The following CREB5 variants were observed in gnomAD, a reference collection of about 807,000 sequenced individuals.
CREB5 encodes the protein cAMP responsive element binding protein 5.
In CREB5, 19 loss-of-function variants were observed where a neutral mutation model predicts 57.1. That is an observed-to-expected ratio of 0.33 (90% CI 0.23 to 0.49). The LOEUF is 0.49. CREB5 is among the 20% of genes least tolerant of loss of function. CREB5 has a pLI of 0.99. For synonymous variants in CREB5, 238 were observed against 238.3 expected, an observed-to-expected ratio of 1.00 and a Z score of 0.01; for missense variants, 579 against 671.6, an observed-to-expected ratio of 0.86 and a Z score of 1.52.
chr7:28,695,092 T>C (rs1801476099), intron 5 of CREB5, among the ~76,000 whole-genome samples: 1 of 152,118 alleles, frequency 6.6e-6, no homozygotes, highest in South Asian at 2.1e-4. Context: ...CCGGGCATGG[T>C]ATCATGCACC....
chr7:28,386,482 G>A (rs1184918826), intron 1 of CREB5, among the ~76,000 whole-genome samples: 1 of 152,120 alleles, frequency 6.6e-6, no homozygotes, highest in African/African-American at 2.4e-5. Flanking sequence ...GTGTTTTGCA[G>A]CTTCGTTGAT....
intron 1 of CREB5, among the ~76,000 whole-genome samples, chr7:28,381,417 G>T (rs1811248): frequency 0.56 from 85,403 of 152,034 alleles, 26,716 homozygotes; most frequent in East Asian, 0.88. Context: ...TTAAGAAACA[G>T]ATCAGATTAT....
chr7:28,325,358 G>A (rs1184148614), intron 1 of CREB5, among the ~76,000 whole-genome samples: 1 of 152,056 alleles, frequency 6.6e-6, no homozygotes, highest in Admixed American at 6.5e-5. Context: ...GGGAGGCTGA[G>A]GCAGGAGAAT....
chr7:28,361,127 T>A (rs1786469042), intron 1 of CREB5, among the ~76,000 whole-genome samples: 1 of 152,086 alleles, frequency 6.6e-6, no homozygotes, highest in African/African-American at 2.4e-5. Context: ...AAAAAAAAAC[T>A]TACTGTAGGA....
intron 1 of CREB5, among the ~76,000 whole-genome samples, chr7:28,445,597 G>A (rs1449783171): frequency 6.6e-6 from 1 of 151,872 alleles, no homozygotes; most frequent in Admixed American, 6.6e-5. Flanking sequence ...TGTTGCCCAG[G>A]CTGGAGTGCA....
At chr7:28,513,333 C>A (rs936973646) in intron 4 of CREB5, 6 of 152,226 alleles carry the variant, frequency 3.9e-5, no homozygotes, top group African/African-American at 1.2e-4. Flanking sequence ...TCCCTCCCCC[C>A]AGAAGTATGG....
At chr7:28,761,625 G>A (rs1345539624) in intron 7 of CREB5, among the ~76,000 whole-genome samples, 1 of 152,036 alleles carries the variant, frequency 6.6e-6, no homozygotes, top group Non-Finnish European at 1.5e-5. Context: ...ATACTGTATG[G>A]GGCTTTTTTG....
intron 4 of CREB5, among the ~76,000 whole-genome samples, chr7:28,515,871 A>T (rs960402107): frequency 9.4e-5 from 3 of 31,876 alleles, no homozygotes; most frequent in Non-Finnish European, 2.0e-4. Flanking sequence ...GAATGCATTT[A>T]AAAAAAAACA....
intron 5 of CREB5, among the ~76,000 whole-genome samples, chr7:28,660,395 T>TC (rs966462352): frequency 6.6e-6 from 1 of 151,152 alleles, no homozygotes; most frequent in African/African-American, 2.4e-5. Context: ...TTTTTTTTTT[T>TC]TTTTTTGAGC....
intron 5 of CREB5, among the ~76,000 whole-genome samples, chr7:28,704,687 G>A (rs985799011): frequency 6.6e-6 from 1 of 151,966 alleles, no homozygotes; most frequent in Non-Finnish European, 1.5e-5. Context: ...AAACACCTGG[G>A]ATCAAGAGAT....
intron 3 of CREB5, among the ~76,000 whole-genome samples, chr7:28,504,502 G>A (rs1030017835): frequency 1.3e-5 from 2 of 152,202 alleles, no homozygotes; most frequent in African/African-American, 4.8e-5. Context: ...CAAGACGATT[G>A]TTTCAGGCCT....
rs760932080 is a variant in CREB5, at chr7:28,735,117, G to GT, written c.702+10792dup. On this transcript the variant is annotated intron_variant, in intron 7 of 10. Transcript: ENST00000357727. ...ACACTTAATCGTTTTGGTTTTTTTT[G>GT]TTTTTTTGTGTGTGGATTTTTTGTT... Among the ~76,000 whole-genome samples the GT allele has an allele frequency of 2.0e-5, 3 of 151,228 alleles. 1 individual carries two copies. The highest frequency in any genetic ancestry group is 4.2e-4 in the South Asian group (2 of 4,810).
At position 28,748,372 on chromosome 7, in the gene CREB5, T is replaced by C. The variant is rs189286808; in HGVS notation, c.702+24040T>C. Among the ~76,000 whole-genome samples, 88 of 152,258 alleles carry C rather than the reference T, an allele frequency of 5.8e-4. 1 individual carries two copies. The highest frequency in any genetic ancestry group is 2.1e-3 in the African/African-American group (87 of 41,540). On this transcript the variant is annotated intron_variant, in intron 7 of 10. Coordinates refer to ENST00000357727, the MANE Select transcript of CREB5 (RefSeq NM_182898.4). The stretch of plus-strand genomic sequence containing the variant: ...TCCCAGTTATCACTCTAGCTGTCAC[T>C]ATGAGGAAGAACAATGTGTGGGCAA...
At chr7:28,325,691 A>G (rs2127985306) in intron 1 of CREB5, among the ~76,000 whole-genome samples, 1 of 152,170 alleles carries the variant, frequency 6.6e-6, no homozygotes, top group East Asian at 1.9e-4. Context: ...AGGGACCCTT[A>G]CTCTAGGTTC....
At chr7:28,586,681 T>G (rs1371895113) in intron 5 of CREB5, among the ~76,000 whole-genome samples, 2 of 152,208 alleles carry the variant, frequency 1.3e-5, no homozygotes, top group Non-Finnish European at 2.9e-5. Context: ...ATTCCAGACC[T>G]CGAAATCATT....
At chr7:28,619,257 C>G (rs758327792) in intron 5 of CREB5, among the ~76,000 whole-genome samples, 4 of 152,160 alleles carry the variant, frequency 2.6e-5, no homozygotes, top group Admixed American at 1.3e-4. Flanking sequence ...ACTCAGCCAT[C>G]GTGGCTCCAA....
chr7:28,418,940 G>A (rs768094781), intron 1 of CREB5, among the ~76,000 whole-genome samples: 5 of 152,082 alleles, frequency 3.3e-5, no homozygotes, highest in Admixed American at 6.6e-5. Flanking sequence ...ACATTCTTTC[G>A]GGTGCTTTCC....
At chr7:28,369,102 G>A (rs1361455921) in intron 1 of CREB5, among the ~76,000 whole-genome samples, 1 of 152,156 alleles carries the variant, frequency 6.6e-6, no homozygotes, top group African/African-American at 2.4e-5. Flanking sequence ...CTGTTGTTAT[G>A]TATGTAAACT....
intron 4 of CREB5, among the ~76,000 whole-genome samples, chr7:28,511,732 C>T (rs1238804392): frequency 6.6e-6 from 1 of 152,164 alleles, no homozygotes; most frequent in East Asian, 1.9e-4. Context: ...GTGATCTGCC[C>T]GCCTCAGCCT....
Sources: gnomAD v4.1 joint callset for allele counts (sites outside exome capture counted in the v4.1 genomes callset) on GRCh38, gnomAD v4.1.1 for gene constraint, MANE v1.5 for transcripts, NCBI Gene and HGNC (gene_info 2026-07-23, HGNC 2026-07-21) for gene names.